Variants in PGM2 observed in about 807,000 individuals in gnomAD.
PGM2 encodes the protein phosphoglucomutase 2, also known as phosphopentomutase.
A neutral mutation model predicts 74.6 loss-of-function variants in PGM2; 57 were observed. The ratio of observed to expected loss-of-function variants is 0.76; its 90% CI spans 0.62 to 0.95. PGM2 has a LOEUF of 0.95. Among genes scored for constraint, PGM2 ranks in the 40% least tolerant of loss-of-function variants. The pLI is 0.00. For synonymous variants in PGM2, 273 were observed against 260.7 expected, an observed-to-expected ratio of 1.05 and a Z score of -0.46; for missense variants, 706 against 741.9, an observed-to-expected ratio of 0.95 and a Z score of 0.56.
intron 1 of PGM2, among the ~76,000 whole-genome samples, chr4:37,829,648 A>G (rs537850684): frequency 3.8e-4 from 58 of 152,190 alleles, no homozygotes; most frequent in Non-Finnish European, 8.2e-4. Flanking sequence ...TGAGAACTGG[A>G]ATAATCTGCG....
intron 13 of PGM2, among the ~76,000 whole-genome samples, chr4:37,861,048 G>C (rs1265792222): frequency 1.3e-5 from 2 of 152,108 alleles, no homozygotes; most frequent in African/African-American, 4.8e-5. Context: ...CTGGAGCTTA[G>C]GTGCCAGTAG....
intron 13 of PGM2, among the ~76,000 whole-genome samples, chr4:37,860,556 G>T (rs1174843211): frequency 6.6e-6 from 1 of 152,198 alleles, no homozygotes; most frequent in Non-Finnish European, 1.5e-5. Context: ...GAAATGGATT[G>T]CTTTAGCTAT....
In PGM2 at chr4:37,862,184, T is replaced by A. The variant is rs1711800564; in HGVS notation, c.*572T>A. ...AAAGATAAGTTTTTTTGAACTAAAT[T>A]TTTTTTAGTTCTAATAATGCACATA... On this transcript the variant is annotated 3_prime_UTR_variant, in exon 14 of 14. Transcript: ENST00000381967. 6.6e-6 allele frequency: 1 copy of A among 152,432 alleles called. No individual in the cohort carries two copies. Among genetic ancestry groups the A allele is most frequent in the Non-Finnish European group, 1.5e-5 (1 of 68,226 alleles). The allele number at this position is 152,432 out of a possible 1,614,324, so 9.4% of individuals were successfully genotyped here.
At chr4:37,826,851 G>A in intron 1 of PGM2, 38 bp downstream of exon 1, 1 of 1,365,872 alleles carries the variant, frequency 7.3e-7, no homozygotes, top group Non-Finnish European at 1.0e-6. Context: ...CCTGGAGCGG[G>A]GCCGGGTGCT....
At chr4:37,841,179 T>TGG (rs1725716527) in intron 6 of PGM2, among the ~76,000 whole-genome samples, 1 of 129,642 alleles carries the variant, frequency 7.7e-6, no homozygotes, top group Non-Finnish European at 1.6e-5. Flanking sequence ...TGTGTGTGTG[T>TGG]GTGTGTGTGG....
intron 8 of PGM2, among the ~76,000 whole-genome samples, chr4:37,846,438 G>A (rs908678507): frequency 6.6e-6 from 1 of 152,194 alleles, no homozygotes; most frequent in East Asian, 1.9e-4. Flanking sequence ...CATCTGGACT[G>A]CCAAGAGAAG....
At position 37,862,525 on chromosome 4, in the gene PGM2, A is replaced by G. The variant is rs1480848108; in HGVS notation, c.*913A>G. 6.6e-6 allele frequency: 1 copy of G among 152,158 alleles called. No individual in the cohort carries two copies. The highest frequency in any genetic ancestry group is 1.9e-4 in the East Asian group (1 of 5,202). 9.4% of individuals were successfully genotyped at this position (152,158 alleles called of 1,614,324 possible). A position where few individuals can be genotyped will look rare whatever the true frequency, so the allele number is the denominator to read the frequency against. ...TTCCTATAAGCCAATTTCTAATAAC[A>G]AATAGATTTATTATTTAATCTGTAC... On this transcript the variant is annotated 3_prime_UTR_variant, in exon 14 of 14. Transcript: ENST00000381967.
In PGM2 at chr4:37,837,462, T is replaced by C. The variant is rs1009785460; in HGVS notation, c.357-67T>C. On this transcript the variant is annotated intron_variant, in intron 3 of 13. Transcript: ENST00000381967. ...AAAGAACATTCAGCATTCATTTCCT[T>C]CTTTCCATCACTCACAGTCCTGATC... is the stretch of plus-strand genomic sequence containing the variant. The C allele has an allele frequency of 4.9e-5, 45 of 910,118 alleles. No homozygotes were observed. In the Admixed American group the frequency reaches 5.9e-4, roughly 12 times the overall value. 56.4% of individuals were successfully genotyped at this position (910,118 alleles called of 1,614,324 possible). A position where few individuals can be genotyped will look rare whatever the true frequency, so the allele number is the denominator to read the frequency against.
chr4:37,844,403 C>T lies in PGM2; in HGVS notation c.759C>T (p.Thr253=), dbSNP rs773633188. 1 of 1,613,562 alleles carries T rather than the reference C, an allele frequency of 6.2e-7. No individual in the cohort carries two copies. The highest frequency in any genetic ancestry group is 1.7e-5 in the Admixed American group (1 of 59,948). Residue 253 remains threonine (T), a synonymous_variant, in exon 7 of 14, where the codon ACC becomes ACT. Transcript: ENST00000381967. ...NRETKVKFVH[T]SVHGVGHSFV... Reference sequence around the variant, plus strand: ...AGACAAAGGTGAAGTTTGTGCACACCTCTGTCCATGGGGTGGGTCATAGCT... The same window carrying T: ...AGACAAAGGTGAAGTTTGTGCACACTTCTGTCCATGGGGTGGGTCATAGCT...
intron 12 of PGM2, among the ~76,000 whole-genome samples, chr4:37,851,953 T>TTTTG (rs142397923): frequency 4.2e-5 from 5 of 119,708 alleles, no homozygotes; most frequent in African/African-American, 1.4e-4. Context: ...TTCCTGTACC[T>TTTTG]TTTGTTTGTT....
At chr4:37,832,826 A>G (rs1725471683) in intron 2 of PGM2, among the ~76,000 whole-genome samples, 1 of 152,200 alleles carries the variant, frequency 6.6e-6, no homozygotes, top group Admixed American at 6.5e-5. Context: ...AAGGTCATAC[A>G]CATAAACTTG....
chr4:37,827,760 G>C (rs1478960528), intron 1 of PGM2, among the ~76,000 whole-genome samples: 2 of 152,094 alleles, frequency 1.3e-5, no homozygotes, highest in East Asian at 3.9e-4. Context: ...CTCCAGGGCC[G>C]ACTTCAGGGG....
At chr4:37,838,488 C>T (rs1366169150) in intron 4 of PGM2, among the ~76,000 whole-genome samples, 1 of 152,062 alleles carries the variant, frequency 6.6e-6, no homozygotes, top group Non-Finnish European at 1.5e-5. Context: ...AAGAGCTGGG[C>T]CAGATGCTGA....
intron 12 of PGM2, among the ~76,000 whole-genome samples, chr4:37,852,626 T>C (rs1413360558): frequency 1.3e-5 from 2 of 152,246 alleles, no homozygotes; most frequent in East Asian, 3.8e-4. Context: ...CATTGCTCCA[T>C]TATTGTTGGG....
chr4:37,840,741 G>C (rs189180839), intron 6 of PGM2, among the ~76,000 whole-genome samples: 10 of 152,218 alleles, frequency 6.6e-5, no homozygotes, highest in Admixed American at 6.6e-4. Flanking sequence ...TTCTTAAAGG[G>C]ACAGATAGTA....
intron 2 of PGM2, among the ~76,000 whole-genome samples, chr4:37,834,192 G>A (rs547733110): frequency 8.5e-5 from 13 of 152,066 alleles, no homozygotes; most frequent in African/African-American, 3.1e-4. Flanking sequence ...AAATTAGTTG[G>A]GCCTGGTAGC....
intron 6 of PGM2, among the ~76,000 whole-genome samples, chr4:37,843,381 T>A (rs13106701): frequency 1.3e-5 from 2 of 152,286 alleles, no homozygotes; most frequent in East Asian, 1.9e-4. Flanking sequence ...AAACCACAAT[T>A]CTCTTAGATA....
chr4:37,844,076 C>T (rs945108033), intron 6 of PGM2, among the ~76,000 whole-genome samples: 1 of 152,044 alleles, frequency 6.6e-6, no homozygotes. Flanking sequence ...CAGTGAGTCT[C>T]GTGTGGGAAC....
chr4:37,841,098 A>ATGTGTGTGTGTGTG (rs66836878), intron 6 of PGM2, among the ~76,000 whole-genome samples: 2 of 114,838 alleles, frequency 1.7e-5, no homozygotes, highest in African/African-American at 7.0e-5. Flanking sequence ...ATATATATAT[A>ATGTGTGTGTGTGTG]TATGTGTGTG....
Sources: gnomAD v4.1 joint callset for allele counts (sites outside exome capture counted in the v4.1 genomes callset) on GRCh38, gnomAD v4.1.1 for gene constraint, MANE v1.5 for transcripts, NCBI Gene and HGNC (gene_info 2026-07-23, HGNC 2026-07-21) for gene names.